Variants in ROBO2 observed in about 807,000 individuals in gnomAD.
The protein encoded by ROBO2 is roundabout guidance receptor 2, also known as roundabout homolog 2.
ROBO2 carries 53 observed loss-of-function variants against 160.8 expected under a neutral mutation model. The observed-to-expected ratio is 0.33, with a 90% CI of 0.26 to 0.41. The LOEUF (loss-of-function observed/expected upper bound fraction) is 0.41, where lower values mean the gene tolerates loss of function less well. ROBO2 is among the 10% of genes least tolerant of loss of function. The probability of loss-of-function intolerance (pLI) is 1.00; values close to 1 mark genes in which losing one functional copy is unlikely to be tolerated. For missense variants in ROBO2, 1,577 were observed against 1,722.4 expected, an observed-to-expected ratio of 0.92 and a Z score of 1.49; for synonymous variants, 664 against 611.7, an observed-to-expected ratio of 1.09 and a Z score of -1.26.
chr3:77,110,736 C>T (rs2073470255), intron 2 of ROBO2, among the ~76,000 whole-genome samples: 1 of 151,646 alleles, frequency 6.6e-6, no homozygotes, highest in African/African-American at 2.4e-5. Context: ...CTCTGTCACT[C>T]AGGCTGGAGT....
chr3:76,421,142 G>C (rs1391441097), intron 2 of ROBO2, among the ~76,000 whole-genome samples: 1 of 152,106 alleles, frequency 6.6e-6, no homozygotes, highest in Non-Finnish European at 1.5e-5. Context: ...TTAATAAAAT[G>C]CTGTAACAAA....
intron 2 of ROBO2, among the ~76,000 whole-genome samples, chr3:77,143,488 G>C (rs562305126): frequency 6.6e-6 from 1 of 151,978 alleles, no homozygotes; most frequent in African/African-American, 2.4e-5. Flanking sequence ...CAGCCACTGC[G>C]TCCGGCCCCA....
chr3:76,868,783 C>CA (rs139597082), intron 2 of ROBO2, among the ~76,000 whole-genome samples: 36,145 of 149,732 alleles, frequency 0.24, 4,569 homozygotes, highest in South Asian at 0.35. Context: ...AATAGGAACT[C>CA]AAAAAAAAAG....
chr3:76,486,674 G>A (rs1368764024), intron 2 of ROBO2, among the ~76,000 whole-genome samples: 1 of 151,906 alleles, frequency 6.6e-6, no homozygotes, highest in Non-Finnish European at 1.5e-5. Flanking sequence ...AATGTATGAG[G>A]GCAAATTCTA....
chr3:77,007,959 T>G (rs1342055871), intron 2 of ROBO2, among the ~76,000 whole-genome samples: 2 of 152,060 alleles, frequency 1.3e-5, no homozygotes, highest in Non-Finnish European at 2.9e-5. Flanking sequence ...CATAATTTAA[T>G]CCAATTTGAT....
chr3:77,592,874 T>C (rs1434649469), intron 17 of ROBO2, among the ~76,000 whole-genome samples: 1 of 152,030 alleles, frequency 6.6e-6, no homozygotes, highest in African/African-American at 2.4e-5. Context: ...TTTTATAGGG[T>C]TTTCAGTGTT....
At chr3:76,113,638 A>C (rs2070338209) in intron 2 of ROBO2, among the ~76,000 whole-genome samples, 2 of 152,180 alleles carry the variant, frequency 1.3e-5, no homozygotes, top group African/African-American at 4.8e-5. Flanking sequence ...GAAGAGAACC[A>C]AACTCATCCT....
At chr3:76,360,730 CGG>C (rs1023338142) in intron 2 of ROBO2, among the ~76,000 whole-genome samples, 10 of 151,958 alleles carry the variant, frequency 6.6e-5, no homozygotes, top group African/African-American at 2.2e-4. Context: ...AGATGTCATT[CGG>C]TGGGTGTTCT....
exon 1 of ROBO2, chr3:77,040,175 G>C (rs2063951335): frequency 1.0e-6 from 1 of 985,720 alleles, no homozygotes; most frequent in South Asian, 4.7e-5. Context: ...GAGGTGGAGG[G>C]AGGGCAACAC....
chr3:76,783,226 A>T (rs1372830863), intron 2 of ROBO2, among the ~76,000 whole-genome samples: 1 of 150,964 alleles, frequency 6.6e-6, no homozygotes, highest in Non-Finnish European at 1.5e-5. Context: ...TGTATGCATT[A>T]AGTAATTACT....
At chr3:76,171,653 C>T (rs1022631003) in intron 2 of ROBO2, among the ~76,000 whole-genome samples, 3 of 151,810 alleles carry the variant, frequency 2.0e-5, no homozygotes, top group East Asian at 1.9e-4. Flanking sequence ...TATCCCAGTG[C>T]GGTAGGTGCA....
intron 2 of ROBO2, among the ~76,000 whole-genome samples, chr3:76,606,052 T>C (rs777362907): frequency 2.0e-5 from 3 of 152,126 alleles, no homozygotes; most frequent in African/African-American, 4.8e-5. Context: ...GTATACATGC[T>C]CTATAAATTT....
At chr3:77,109,963 A>T (rs2073349794) in intron 2 of ROBO2, among the ~76,000 whole-genome samples, 1 of 152,236 alleles carries the variant, frequency 6.6e-6, no homozygotes, top group Admixed American at 6.5e-5. Flanking sequence ...CAAGAGTAGC[A>T]TTTTGGCGCA....
At chr3:77,159,939 G>A (rs923509688) in intron 2 of ROBO2, among the ~76,000 whole-genome samples, 3 of 151,970 alleles carry the variant, frequency 2.0e-5, no homozygotes, top group African/African-American at 7.2e-5. Flanking sequence ...ATTGTCAGTG[G>A]TTTATTACGT....
chr3:76,161,818 T>C (rs2106925733), intron 2 of ROBO2, among the ~76,000 whole-genome samples: 1 of 152,318 alleles, frequency 6.6e-6, no homozygotes, highest in Admixed American at 6.5e-5. Context: ...CCTATTCAAC[T>C]CTGAATTCCA....
intron 2 of ROBO2, among the ~76,000 whole-genome samples, chr3:76,631,457 G>A (rs1199691490): frequency 6.6e-6 from 1 of 152,102 alleles, no homozygotes; most frequent in Non-Finnish European, 1.5e-5. Context: ...CAGCCCAAGG[G>A]CATAGGGCAT....
At chr3:76,650,859 G>A (rs908100264) in intron 2 of ROBO2, among the ~76,000 whole-genome samples, 1 of 152,128 alleles carries the variant, frequency 6.6e-6, no homozygotes, top group African/African-American at 2.4e-5. Context: ...TACAGGAAAG[G>A]ATTAAACCTT....
intron 2 of ROBO2, among the ~76,000 whole-genome samples, chr3:76,688,147 T>C (rs1273452219): frequency 6.6e-6 from 1 of 152,054 alleles, no homozygotes; most frequent in Non-Finnish European, 1.5e-5. Context: ...TATTATGTAA[T>C]ATTGTATGGT....
intron 2 of ROBO2, among the ~76,000 whole-genome samples, chr3:76,731,226 G>T (rs2093633186): frequency 6.6e-6 from 1 of 152,054 alleles, no homozygotes. Flanking sequence ...TTCATATTTG[G>T]ATTTCTCCAT....
Sources: gnomAD v4.1 joint callset for allele counts (sites outside exome capture counted in the v4.1 genomes callset) on GRCh38, gnomAD v4.1.1 for gene constraint, MANE v1.5 for transcripts, NCBI Gene and HGNC (gene_info 2026-07-23, HGNC 2026-07-21) for gene names.